Variants in MYPN observed in about 807,000 individuals in gnomAD.
MYPN encodes the protein sarcomeric protein myopalladin, 145 kDa (MYOP).
A neutral mutation model predicts 129.4 loss-of-function variants in MYPN; 63 were observed. The ratio of observed to expected loss-of-function variants is 0.49; its 90% CI spans 0.40 to 0.60. The LOEUF is 0.60. Ranked by LOEUF, MYPN falls within the 20% of genes least tolerant of loss-of-function variation. The probability of loss-of-function intolerance (pLI) is 0.00; values close to 1 mark genes in which losing one functional copy is unlikely to be tolerated. For synonymous variants in MYPN, 629 were observed against 600.9 expected (o/e 1.05, Z -0.68); for missense variants, 1,596 against 1,635.4 (o/e 0.98, Z 0.42).
At position 68,168,225 on chromosome 10, in the gene MYPN, C is replaced by A. The variant is rs528463882; in HGVS notation, c.1973+1559C>A. ...TATTTGGTTCAGGCTGATCAGGTGA[C>A]CTCCTGCCCCCTCCCCAGTACACTC... On this transcript the variant is annotated intron_variant, in intron 10 of 19. Coordinates refer to ENST00000358913, the MANE Select transcript of MYPN (RefSeq NM_032578.4). Among the ~76,000 whole-genome samples the A allele has an allele frequency of 2.0e-5, 3 of 152,262 alleles. No individual in the cohort carries two copies. The South Asian group carries it at 6.2e-4, about 32-fold the overall frequency.
rs267602553 is a variant in MYPN, at chr10:68,210,437, G to C, written c.3945G>C (p.Val1315=). 3 of 1,613,996 alleles carry C rather than the reference G, an allele frequency of 1.9e-6. No homozygotes were observed. Among genetic ancestry groups the C allele is most frequent in the Non-Finnish European group, 2.5e-6 (3 of 1,180,022 alleles). The change falls in exon 20 of 20, where the codon GTG becomes GTC. Residue 1315 remains valine, a synonymous_variant. Transcript: ENST00000358913. Reference sequence around the variant, plus strand: ...ATTCATGCTCTTCTCGGAGTGTAGTGGAGAGTGATGAACTTTAAGAATGTC... The same window carrying C: ...ATTCATGCTCTTCTCGGAGTGTAGTCGAGAGTGATGAACTTTAAGAATGTC... The part of the protein sequence containing the change: ...MVYSCSSRSV[V]ESDEL
At chr10:68,130,719 A>C (rs1251002001) in intron 2 of MYPN, among the ~76,000 whole-genome samples, 1 of 152,152 alleles carries the variant, frequency 6.6e-6, no homozygotes, top group Non-Finnish European at 1.5e-5. Flanking sequence ...CAAAGTCATA[A>C]AGATATTCTT....
rs546213614 is a variant in MYPN, at chr10:68,132,338, C to A, written c.902+9998C>A. Among the ~76,000 whole-genome samples the A allele has an allele frequency of 5.2e-4, 79 of 152,248 alleles. 2 individuals are homozygous for A. In the South Asian group the frequency reaches 0.016, roughly 30 times the overall value. ...CAATCTTGAATTCTTTGGATAAACA[C>A]AATTTTGTCATAATCCACTATCTTT... On this transcript the variant is annotated intron_variant, in intron 2 of 19. Transcript: ENST00000358913.
At position 68,199,563 on chromosome 10, in the gene MYPN, C is replaced by A. The variant is rs138313730; in HGVS notation, c.3481C>A (p.Leu1161Ile). The A allele has an allele frequency of 1.0e-3, 1,617 of 1,607,316 alleles. 21 individuals are homozygous for A. The Admixed American group carries it at 0.017, about 17-fold the overall frequency. ...KTGQNSFSLE[L>I]SVVAKEVKKA... ...CGGGCAGAATTCTTTTAGTCTGGAGCTCTCTGTAGTAGGTAAGGTTTGCTG... is the reference window on the plus strand; with the variant it reads ...CGGGCAGAATTCTTTTAGTCTGGAGATCTCTGTAGTAGGTAAGGTTTGCTG... Residue 1161 changes from leucine (L) to isoleucine (I), a missense_variant, in exon 17 of 20, where the codon CTC (leucine) becomes ATC (isoleucine). Physicochemically the swap from Leu to Ile is conservative, Grantham distance 5. Coordinates refer to ENST00000358913, the MANE Select transcript of MYPN (RefSeq NM_032578.4).
At chr10:68,135,798 A>G (rs969554932) in intron 2 of MYPN, among the ~76,000 whole-genome samples, 2 of 152,234 alleles carry the variant, frequency 1.3e-5, no homozygotes, top group South Asian at 4.1e-4. Flanking sequence ...AACAAATGAG[A>G]TAATTTTAGC....
chr10:68,207,331 G>C (rs1045927791), intron 19 of MYPN, among the ~76,000 whole-genome samples: 4 of 152,108 alleles, frequency 2.6e-5, no homozygotes, highest in Admixed American at 2.6e-4. Context: ...CTATATTTTA[G>C]TGCTTAAGAG....
intron 19 of MYPN, among the ~76,000 whole-genome samples, chr10:68,209,993 G>A (rs541433129): frequency 6.6e-6 from 1 of 152,162 alleles, no homozygotes; most frequent in Non-Finnish European, 1.5e-5. Flanking sequence ...GTGCCTGGCC[G>A]CATCTTAGAG....
At chr10:68,118,906 G>A (rs2042198304) in intron 1 of MYPN, among the ~76,000 whole-genome samples, 1 of 150,710 alleles carries the variant, frequency 6.6e-6, no homozygotes. Flanking sequence ...AGGAAGGAAG[G>A]AAGGAAGGAA....
intron 2 of MYPN, among the ~76,000 whole-genome samples, chr10:68,122,621 G>C (rs1329415562): frequency 6.6e-6 from 1 of 152,166 alleles, no homozygotes; most frequent in East Asian, 1.9e-4. Context: ...ATTATCGTAG[G>C]CTGGGCGCAG....
In MYPN at chr10:68,148,422, A is replaced by G. The variant is rs768030641; in HGVS notation, c.1200A>G (p.Gln400=). The change falls in exon 5 of 20, where the codon CAA becomes CAG. Residue 400 remains glutamine (Q), a synonymous_variant. Coordinates refer to ENST00000358913, the MANE Select transcript of MYPN (RefSeq NM_032578.4). ...CAGTCATTCCTCCAGCAGTACCCCA[A>G]GCCCAGCATTTGGTGGCCCAACCTC... is the stretch of plus-strand genomic sequence containing the variant. ...TSAVIPPAVP[Q]AQHLVAQPRV... 31 of 1,614,028 alleles carry G rather than the reference A, an allele frequency of 1.9e-5. No individual in the cohort carries two copies. The Admixed American group carries it at 5.2e-4, about 27-fold the overall frequency.
rs139351954 is a variant in MYPN, at chr10:68,154,608, C to T, written c.1318-3878C>T. 1.3e-3 allele frequency among the ~76,000 whole-genome samples: 200 copies of T among 152,270 alleles called. 1 individual carries two copies. The East Asian group carries it at 0.019, about 14-fold the overall frequency. On this transcript the variant is annotated intron_variant, in intron 6 of 19. Transcript: ENST00000358913. ...CAGACAGTTCTTTATCAGTAAAAAC[C>T]ACTTTGATCCAACTCCATCCTAAAG... is the stretch of plus-strand genomic sequence containing the variant.
chr10:68,189,240 T>G, intron 13 of MYPN, 114 bp downstream of exon 13: 3 of 771,882 alleles, frequency 3.9e-6, no homozygotes, highest in Non-Finnish European at 6.7e-6. Flanking sequence ...TTGTATTTGT[T>G]ATTGATATAG....
In MYPN at chr10:68,121,586, G is replaced by A. The variant is rs1293891652; in HGVS notation, c.148G>A (p.Ala50Thr). 1.2e-6 allele frequency: 2 copies of A among 1,614,216 alleles called. No individual in the cohort carries two copies. The highest frequency in any genetic ancestry group is 2.2e-5 in the East Asian group (1 of 44,888). The change falls in exon 2 of 20, where the codon GCC becomes ACC. Residue 50 changes from alanine (A) to threonine (T), a missense_variant. Coordinates refer to ENST00000358913, the MANE Select transcript of MYPN (RefSeq NM_032578.4). ...TTGCCATTTCGGCAGTCCTTCTGGG[G>A]CCGCTGAAGGAGGCGGAGGCCAAGA... Reference protein sequence around the residue: ...NPCHFGSPSGAAEGGGGQDDL... With the variant: ...NPCHFGSPSGTAEGGGGQDDL...
intron 2 of MYPN, among the ~76,000 whole-genome samples, chr10:68,123,398 C>T (rs2042277198): frequency 6.8e-6 from 1 of 146,410 alleles, no homozygotes; most frequent in Non-Finnish European, 1.5e-5. Flanking sequence ...TAAATTAGGC[C>T]TGGCGCAGTG....
In MYPN at chr10:68,143,023, C is replaced by A; in HGVS notation, c.986C>A (p.Ala329Glu). ...QAGNLHSLTI[A>E]EAFEEDTGRY... ...GGAAATCTGCACTCACTGACCATTG[C>A]GGAAGCCTTTGAAGAGGACACAGGA... is the stretch of plus-strand genomic sequence containing the variant. Residue 329 changes from alanine (A) to glutamate (E), a missense_variant, in exon 3 of 20, where the codon GCG becomes GAG. Ala to Glu is a moderately radical substitution (Grantham distance 107). Transcript: ENST00000358913. 1 of 1,614,052 alleles carries A rather than the reference C, an allele frequency of 6.2e-7. No homozygotes were observed.
In MYPN at chr10:68,121,880, A is replaced by G; in HGVS notation, c.442A>G (p.Lys148Glu). ...GTATTGTTCTGAAACCCAGTCCAAA[A>G]AAGTATTTTTAAATAAGGCTGCCGA... ...PQYCSETQSK[K>E]VFLNKAADFI... Residue 148 changes from lysine (K) to glutamate (E), a missense_variant, in exon 2 of 20, where the codon AAA becomes GAA. Physicochemically the swap from Lys to Glu is moderately conservative, Grantham distance 56. Transcript: ENST00000358913. The G allele has an allele frequency of 1.2e-6, 2 of 1,614,188 alleles. No individual in the cohort carries two copies. Among genetic ancestry groups the G allele is most frequent in the Non-Finnish European group, 1.7e-6 (2 of 1,180,034 alleles).
chr10:68,096,641 G>C (rs535224474), intron 1 of MYPN, among the ~76,000 whole-genome samples: 14 of 152,272 alleles, frequency 9.2e-5, no homozygotes, highest in African/African-American at 3.1e-4. Context: ...CTTTGTATTT[G>C]ACATCTGTCC....
chr10:68,181,865 G>T (rs1018390378), intron 12 of MYPN, among the ~76,000 whole-genome samples: 1 of 151,944 alleles, frequency 6.6e-6, no homozygotes, highest in Non-Finnish European at 1.5e-5. Context: ...CTCTCCGATG[G>T]ACCCTGGACC....
chr10:68,204,443 C>T (rs756868757), intron 18 of MYPN, among the ~76,000 whole-genome samples: 14 of 152,148 alleles, frequency 9.2e-5, no homozygotes, highest in Admixed American at 1.3e-4. Flanking sequence ...GCAAACTGAC[C>T]GGGCGCAGTG....
Sources: allele counts gnomAD v4.1 joint callset (sites outside exome capture counted in the v4.1 genomes callset), GRCh38; gene constraint gnomAD v4.1.1; transcripts MANE v1.5; gene names NCBI Gene and HGNC (gene_info 2026-07-23, HGNC 2026-07-21).